The following CDKL5 variants were observed in gnomAD, a reference collection of about 807,000 sequenced individuals.
The protein encoded by CDKL5 is cyclin-dependent kinase-like 5.
Under a neutral mutation model 61.7 loss-of-function variants are expected in CDKL5, and 8 were observed. That is an observed-to-expected ratio of 0.13 (90% CI 0.08 to 0.23). The LOEUF (loss-of-function observed/expected upper bound fraction) is 0.23, where lower values mean the gene tolerates loss of function less well. CDKL5 is among the 10% of genes least tolerant of loss of function. The probability of loss-of-function intolerance (pLI) is 1.00; values close to 1 mark genes in which losing one functional copy is unlikely to be tolerated. For missense variants in CDKL5, 440 were observed against 734.5 expected (o/e 0.60, Z 4.63); for synonymous variants, 275 against 272.3 (o/e 1.01, Z -0.10).
chrX:18,516,150 G>A (rs1230393775), intron 3 of CDKL5, among the ~76,000 whole-genome samples: 1 of 110,608 alleles, frequency 9.0e-6, no homozygotes, highest in Non-Finnish European at 1.9e-5. Context: ...ACCACCATGC[G>A]TGGCTAATTT....
intron 11 of CDKL5, among the ~76,000 whole-genome samples, chrX:18,599,518 A>T (rs1602283323): frequency 8.9e-6 from 1 of 112,533 alleles, no homozygotes; most frequent in East Asian, 2.8e-4. Context: ...CAGTGGCATG[A>T]TTATAACTCA....
In CDKL5 at chrX:18,531,283, C is replaced by T. The variant is rs533343505; in HGVS notation, c.99+20429C>T. Reference sequence around the variant, plus strand: ...CAAAATGGTTACTTTCTTCCTCTCCCTACCTAAAAGAAGAGGAGATTTTTA... The same window carrying T: ...CAAAATGGTTACTTTCTTCCTCTCCTTACCTAAAAGAAGAGGAGATTTTTA... On this transcript the variant is annotated intron_variant, in intron 3 of 17. Coordinates refer to ENST00000623535, the MANE Select transcript of CDKL5 (RefSeq NM_001323289.2). Among the ~76,000 whole-genome samples the T allele has an allele frequency of 3.5e-3, 389 of 112,427 alleles. 2 individuals are homozygous for T. The Middle Eastern group carries it at 0.042, about 12-fold the overall frequency.
intron 9 of CDKL5, chrX:18,588,904 A>G (rs1925729543): frequency 1.9e-5 from 2 of 105,272 alleles, no homozygotes; most frequent in African/African-American, 6.9e-5. Flanking sequence ...ACAGAGTGAG[A>G]TTCTGTCTCA....
At chrX:18,436,075 GTATGT>G (rs1448868165) in intron 1 of CDKL5, among the ~76,000 whole-genome samples, 2 of 111,911 alleles carry the variant, frequency 1.8e-5, no homozygotes, top group Non-Finnish European at 3.8e-5. Flanking sequence ...ACATTGTTTT[GTATGT>G]TATATGTATT....
intron 9 of CDKL5, among the ~76,000 whole-genome samples, chrX:18,594,679 CAT>C (rs1307219458): frequency 1.8e-5 from 2 of 112,483 alleles, no homozygotes; most frequent in African/African-American, 3.2e-5. Flanking sequence ...AATTAAGAAT[CAT>C]GTGTATAAGC....
At chrX:18,454,722 A>T (rs1320085878) in intron 1 of CDKL5, among the ~76,000 whole-genome samples, 2 of 108,092 alleles carry the variant, frequency 1.9e-5, no homozygotes, top group East Asian at 5.8e-4. Flanking sequence ...ATGCTGGCTA[A>T]TTTTTACATT....
At chrX:18,459,797 C>T (rs1362138574) in intron 1 of CDKL5, among the ~76,000 whole-genome samples, 8 of 97,493 alleles carry the variant, frequency 8.2e-5, no homozygotes, top group East Asian at 3.5e-4. Flanking sequence ...CTGTGCCTCC[C>T]GGGTTCAAGT....
intron 20 of CDKL5, among the ~76,000 whole-genome samples, chrX:18,649,866 A>G (rs1245742236): frequency 8.9e-6 from 1 of 111,953 alleles, no homozygotes; most frequent in African/African-American, 3.2e-5. Flanking sequence ...GAGGGGCACA[A>G]GGCCAGGTGG....
Position 18,635,635 on chromosome X carries a change from G to T in CDKL5, c.*6878G>T. On this transcript the variant is annotated 3_prime_UTR_variant, in exon 18 of 18. Coordinates refer to ENST00000623535, the MANE Select transcript of CDKL5 (RefSeq NM_001323289.2). ...TTTATAAAGCTTTTTTCCCCTTACGGCATTTTGAAAACTTTGGTTTGTTTT... is the reference window on the plus strand; with the variant it reads ...TTTATAAAGCTTTTTTCCCCTTACGTCATTTTGAAAACTTTGGTTTGTTTT... The T allele has an allele frequency of 1.3e-6, 1 of 751,309 alleles. No individual in the cohort carries two copies. Among genetic ancestry groups the T allele is most frequent in the Non-Finnish European group, 1.6e-6 (1 of 636,747 alleles). 61.9% of individuals were successfully genotyped at this position (751,309 alleles called of 1,213,427 possible). A position where few individuals can be genotyped will look rare whatever the true frequency, so the allele number is the denominator to read the frequency against.
chrX:18,461,965 G>T (rs1249745440), intron 1 of CDKL5, among the ~76,000 whole-genome samples: 3 of 111,614 alleles, frequency 2.7e-5, no homozygotes, highest in Non-Finnish European at 5.6e-5. Flanking sequence ...AGGTATCCTT[G>T]TAAAGTAAGC....
At chrX:18,502,081 C>A (rs1028126331) in intron 1 of CDKL5, among the ~76,000 whole-genome samples, 29 of 111,926 alleles carry the variant, frequency 2.6e-4, no homozygotes, top group Non-Finnish European at 1.5e-4. Context: ...GACATAGATC[C>A]TCATATAGCT....
At chrX:18,557,620 ACTTC>A (rs1924652234) in intron 3 of CDKL5, among the ~76,000 whole-genome samples, 1 of 112,488 alleles carries the variant, frequency 8.9e-6, no homozygotes, top group African/African-American at 3.2e-5. Context: ...GACTCCTGCG[ACTTC>A]CTTATACAGT....
At chrX:18,513,233 A>G (rs915414458) in intron 3 of CDKL5, among the ~76,000 whole-genome samples, 1 of 110,797 alleles carries the variant, frequency 9.0e-6, no homozygotes, top group Non-Finnish European at 1.9e-5. Context: ...TTATCTTTCT[A>G]TTTACTCATT....
downstream of CDKL5, among the ~76,000 whole-genome samples, chrX:18,642,645 G>A (rs147925622): frequency 4.1e-3 from 466 of 112,556 alleles, 1 homozygote; most frequent in Middle Eastern, 0.046. Flanking sequence ...GTGAAAACCC[G>A]TGCTTGGCTC....
chrX:18,463,855 G>A (rs896928724), intron 1 of CDKL5, among the ~76,000 whole-genome samples: 40 of 111,429 alleles, frequency 3.6e-4, no homozygotes, highest in African/African-American at 1.3e-3. Context: ...TCATTACATA[G>A]GTCAATACCA....
intron 3 of CDKL5, among the ~76,000 whole-genome samples, chrX:18,560,263 T>C (rs1157948648): frequency 4.5e-5 from 5 of 111,571 alleles, no homozygotes; most frequent in Admixed American, 3.8e-4. Context: ...TGTAAAAGTG[T>C]TCCTATTTCT....
chrX:18,444,126 C>A (rs1415123978), intron 1 of CDKL5, among the ~76,000 whole-genome samples: 1 of 99,359 alleles, frequency 1.0e-5, no homozygotes, highest in Admixed American at 1.1e-4. Flanking sequence ...TTTTATGTAT[C>A]CTGCTTTTAT....
In CDKL5 at chrX:18,611,367, G is replaced by A. The variant is rs1174197443; in HGVS notation, c.2153-1785G>A. Among the ~76,000 whole-genome samples the A allele has an allele frequency of 8.3e-5, 9 of 108,169 alleles. No homozygotes were observed. The East Asian group carries it at 8.7e-4, about 10-fold the overall frequency. The allele number at this position is 108,169 out of a possible 115,157, so 93.9% of individuals were successfully genotyped here. On this transcript the variant is annotated intron_variant, in intron 14 of 17. Coordinates refer to ENST00000623535, the MANE Select transcript of CDKL5 (RefSeq NM_001323289.2). ...GAAGAATGGCGTGAACCCGGGAGGC[G>A]GAGCTTGCAGTGAGCCAAAACCGCG...
Position 18,511,167 on chromosome X carries a change from G to A in CDKL5, c.99+313G>A, listed in dbSNP as rs192846065. On this transcript the variant is annotated intron_variant, in intron 3 of 17. Coordinates refer to ENST00000623535, the MANE Select transcript of CDKL5 (RefSeq NM_001323289.2). ...AACAAAGTTTAAATACTTATATGTGGAATTTTCCACTTGTGGCATCATATC... is the reference window on the plus strand; with the variant it reads ...AACAAAGTTTAAATACTTATATGTGAAATTTTCCACTTGTGGCATCATATC... Among the ~76,000 whole-genome samples, 493 of 111,819 alleles carry A rather than the reference G, an allele frequency of 4.4e-3. 2 individuals carry two copies. Among genetic ancestry groups the A allele is most frequent in the Middle Eastern group, 0.042 (9 of 216 alleles).
Sources: allele counts gnomAD v4.1 joint callset (sites outside exome capture counted in the v4.1 genomes callset), GRCh38; gene constraint gnomAD v4.1.1; transcripts MANE v1.5; gene names NCBI Gene and HGNC (gene_info 2026-07-23, HGNC 2026-07-21).